PRKCZ: variants seen among roughly 807,000 people sequenced by gnomAD.
The protein encoded by PRKCZ is protein kinase C zeta type.
A neutral mutation model predicts 79.5 loss-of-function variants in PRKCZ; 33 were observed. The observed-to-expected ratio is 0.41, with a 90% confidence interval of 0.31 to 0.55. PRKCZ has a LOEUF of 0.55. Among genes scored for constraint, PRKCZ ranks in the 20% least tolerant of loss-of-function variants. The pLI is 0.19. For missense variants in PRKCZ, 578 were observed against 813.5 expected (o/e 0.71, Z 3.52); for synonymous variants, 342 against 320.9 (o/e 1.07, Z -0.70).
chr1:2,115,579 A>G (rs549895956), intron 4 of PRKCZ, among the ~76,000 whole-genome samples: 3 of 152,150 alleles, frequency 2.0e-5, no homozygotes, highest in Non-Finnish European at 4.4e-5. Context: ...TCATTCCCAC[A>G]AGCCTGCCCC....
At chr1:2,067,166 C>T (rs944325777) in intron 4 of PRKCZ, among the ~76,000 whole-genome samples, 2 of 152,020 alleles carry the variant, frequency 1.3e-5, no homozygotes, top group African/African-American at 2.4e-5. Flanking sequence ...TGAAATCTAC[C>T]GCGGCTGAGT....
intron 11 of PRKCZ, among the ~76,000 whole-genome samples, chr1:2,170,449 C>T (rs1232616319): frequency 2.0e-5 from 3 of 152,152 alleles, no homozygotes; most frequent in Admixed American, 2.0e-4. Flanking sequence ...GGCAATAAAT[C>T]TAGAACAGTA....
At chr1:2,169,189 C>G (rs1052862839) in intron 10 of PRKCZ, 1 of 469,488 alleles carries the variant, frequency 2.1e-6, no homozygotes, top group African/African-American at 2.0e-5. Flanking sequence ...CAGCCCTGGT[C>G]CAAGCCACCT....
intron 4 of PRKCZ, among the ~76,000 whole-genome samples, chr1:2,117,487 G>A (rs1030046244): frequency 1.3e-5 from 2 of 151,872 alleles, no homozygotes; most frequent in East Asian, 1.9e-4. Context: ...CTCTCTGTGC[G>A]CTGCCATTTT....
intron 4 of PRKCZ, among the ~76,000 whole-genome samples, chr1:2,117,581 G>A (rs1670999056): frequency 2.0e-5 from 3 of 152,228 alleles, no homozygotes; most frequent in Admixed American, 1.3e-4. Flanking sequence ...AAAACAGTAT[G>A]GGACAGAAGT....
At position 2,090,349 on chromosome 1, in the gene PRKCZ, C is replaced by T. The variant is rs1043982227; in HGVS notation, c.334+30758C>T. Reference sequence around the variant, plus strand: ...AGCCCTCCCGCAGAAGGGGCCCGTGCACCCATGGTTTTGTAGCCGTCAGGG... The same window carrying T: ...AGCCCTCCCGCAGAAGGGGCCCGTGTACCCATGGTTTTGTAGCCGTCAGGG... On this transcript the variant is annotated intron_variant, in intron 4 of 17. Coordinates refer to ENST00000378567, the MANE Select transcript of PRKCZ (RefSeq NM_002744.6). Among the ~76,000 whole-genome samples the T allele has an allele frequency of 6.6e-5, 10 of 152,302 alleles. No individual in the cohort carries two copies. The East Asian group carries it at 1.7e-3, about 26-fold the overall frequency.
intron 4 of PRKCZ, among the ~76,000 whole-genome samples, chr1:2,126,883 G>A (rs1356595701): frequency 2.0e-5 from 3 of 152,182 alleles, no homozygotes; most frequent in African/African-American, 4.8e-5. Context: ...CTGTCCCTTC[G>A]TATCACTGAC....
At chr1:2,104,979 G>A in intron 4 of PRKCZ, 4 of 957,508 alleles carry the variant, frequency 4.2e-6, no homozygotes, top group Non-Finnish European at 5.0e-6. Context: ...CACCCCGACA[G>A]CCACCCTGGC....
At chr1:2,171,986 C>T (rs1684534242) in intron 11 of PRKCZ, 69 bp from the exon 12 acceptor site, 1 of 1,520,748 alleles carries the variant, frequency 6.6e-7, no homozygotes. Context: ...GTGTGTGGCC[C>T]CCAGGCTGGA....
intron 10 of PRKCZ, among the ~76,000 whole-genome samples, chr1:2,158,174 C>T (rs1402453122): frequency 1.3e-5 from 2 of 152,248 alleles, no homozygotes; most frequent in East Asian, 1.9e-4. Context: ...TGGCTGCTTA[C>T]GCCTCCTAAG....
chr1:2,137,109 C>T (rs1378978734), intron 5 of PRKCZ, among the ~76,000 whole-genome samples: 1 of 152,174 alleles, frequency 6.6e-6, no homozygotes, highest in African/African-American at 2.4e-5. Context: ...CAGCCTCTGC[C>T]AGAGGCTCCA....
chr1:2,146,232 C>T lies in PRKCZ; in HGVS notation c.634+124C>T, dbSNP rs375855239. 66 of 922,926 alleles carry T rather than the reference C, an allele frequency of 7.2e-5. No individual in the cohort carries two copies. In the African/African-American group the frequency reaches 9.6e-4, roughly 13 times the overall value. 57.2% of individuals were successfully genotyped at this position (922,926 alleles called of 1,614,324 possible). On this transcript the variant is annotated intron_variant, in intron 7 of 17. Coordinates refer to ENST00000378567, the MANE Select transcript of PRKCZ (RefSeq NM_002744.6). The stretch of plus-strand genomic sequence containing the variant: ...TCTGCAGGGGTCATTGTCTTCAAGC[C>T]TGGCCACCCTTCCCTGGGGCTGGGG...
intron 4 of PRKCZ, among the ~76,000 whole-genome samples, chr1:2,116,528 C>G (rs1203913036): frequency 6.6e-6 from 1 of 152,148 alleles, no homozygotes; most frequent in African/African-American, 2.4e-5. Flanking sequence ...GGCTCGCCTT[C>G]CACTCCATGG....
intron 4 of PRKCZ, among the ~76,000 whole-genome samples, chr1:2,126,395 G>T (rs1006803857): frequency 6.6e-6 from 1 of 152,052 alleles, no homozygotes; most frequent in African/African-American, 2.4e-5. Context: ...TGATGGGCAG[G>T]TCCCCCATCA....
rs553978347 is a variant in PRKCZ, at chr1:2,100,668, GGCTGGTGGTGTGCAGTGAACA to G, written c.335-34591_335-34571del. 2.7e-3 allele frequency among the ~76,000 whole-genome samples: 418 copies of G among 152,284 alleles called. 3 individuals carry two copies. Among genetic ancestry groups the G allele is most frequent in the African/African-American group, 9.5e-3 (396 of 41,548 alleles). ...GACAGGGCACAGGAGGAACAGGCACGGCTGGTGGTGTGCAGTGAACAGCAGTGGTCACACCAGGTGGTGGCT... is the reference window on the plus strand; with the variant it reads ...GACAGGGCACAGGAGGAACAGGCACGGCAGTGGTCACACCAGGTGGTGGCT... On this transcript the variant is annotated intron_variant, in intron 4 of 17. Coordinates refer to ENST00000378567, the MANE Select transcript of PRKCZ (RefSeq NM_002744.6).
chr1:2,142,251 G>A (rs1044676335), intron 5 of PRKCZ: 15 of 279,936 alleles, frequency 5.4e-5, no homozygotes, highest in South Asian at 8.0e-5. Context: ...CAGCCGAAGC[G>A]CCTCCTTTCA....
chr1:2,065,444 C>G (rs1250717109), intron 4 of PRKCZ, among the ~76,000 whole-genome samples: 1 of 152,016 alleles, frequency 6.6e-6, no homozygotes, highest in Non-Finnish European at 1.5e-5. Flanking sequence ...TTTGGGAGGC[C>G]CAGGCGGGTG....
At position 2,149,136 on chromosome 1, in the gene PRKCZ, C is replaced by G. The variant is rs1355847136; in HGVS notation, c.687+212C>G. 1.3e-5 allele frequency among the ~76,000 whole-genome samples: 2 copies of G among 152,226 alleles called. No homozygotes were observed. The highest frequency in any genetic ancestry group is 2.9e-5 in the Non-Finnish European group (2 of 68,032). On this transcript the variant is annotated intron_variant, in intron 8 of 17. Transcript: ENST00000378567. This position sits in a 1 kb window ranked among gnomAD's most constrained non-coding sequence, Gnocchi z 4.1. ...TTGATGAATACCTGCAGGCAGCTGT[C>G]CCCGCAGGTGGTCTGGGGACCACAC...
At chr1:2,166,660 G>A (rs937690188) in intron 10 of PRKCZ, among the ~76,000 whole-genome samples, 7 of 151,902 alleles carry the variant, frequency 4.6e-5, no homozygotes, top group South Asian at 2.1e-4. Flanking sequence ...ACCAGGACAC[G>A]GAGGGGCAGC....
Sources: allele counts gnomAD v4.1 joint callset (sites outside exome capture counted in the v4.1 genomes callset), GRCh38; gene constraint gnomAD v4.1.1; non-coding constraint Gnocchi (gnomAD v3.1); transcripts MANE v1.5; gene names NCBI Gene and HGNC (gene_info 2026-07-23, HGNC 2026-07-21).